GRM7: variants seen among roughly 807,000 people sequenced by gnomAD.
The protein encoded by GRM7 is glutamate metabotropic receptor 7.
A neutral mutation model predicts 84.5 loss-of-function variants in GRM7; 35 were observed. The ratio of observed to expected loss-of-function variants is 0.41; its 90% confidence interval spans 0.32 to 0.55. The LOEUF (loss-of-function observed/expected upper bound fraction) is 0.55, where lower values mean the gene tolerates loss of function less well. Among genes scored for constraint, GRM7 ranks in the 20% least tolerant of loss-of-function variants. The probability of loss-of-function intolerance (pLI) is 0.19; values close to 1 mark genes in which losing one functional copy is unlikely to be tolerated. For missense variants in GRM7, 1,003 were observed against 1,194.6 expected (o/e 0.84, Z 2.36); for synonymous variants, 487 against 455.1 (o/e 1.07, Z -0.89).
At chr3:7,337,501 C>T (rs954206142) in intron 4 of GRM7, among the ~76,000 whole-genome samples, 5 of 151,860 alleles carry the variant, frequency 3.3e-5, no homozygotes, top group Non-Finnish European at 5.9e-5. Flanking sequence ...AGAAAGTATT[C>T]GCAAACTACG....
At chr3:7,498,912 T>C (rs190368253) in intron 7 of GRM7, among the ~76,000 whole-genome samples, 20 of 152,336 alleles carry the variant, frequency 1.3e-4, no homozygotes, top group Admixed American at 1.2e-3. Flanking sequence ...GAGTCATCTG[T>C]GCAGAGTTGC....
intron 4 of GRM7, among the ~76,000 whole-genome samples, chr3:7,311,209 A>C (rs531897193): frequency 6.6e-6 from 1 of 152,348 alleles, no homozygotes; most frequent in East Asian, 1.9e-4. Context: ...GTCATTCTCC[A>C]GAAATCTAAT....
At chr3:6,961,555 C>T (rs1263067925) in intron 1 of GRM7, among the ~76,000 whole-genome samples, 2 of 152,178 alleles carry the variant, frequency 1.3e-5, no homozygotes, top group South Asian at 4.1e-4. Flanking sequence ...ACTCCACACC[C>T]TCCATCAATC....
chr3:7,448,930 G>A (rs1697645474), intron 5 of GRM7, among the ~76,000 whole-genome samples: 1 of 151,712 alleles, frequency 6.6e-6, no homozygotes, highest in Non-Finnish European at 1.5e-5. Flanking sequence ...ATTTTATAAT[G>A]GTCGAAATGC....
intron 8 of GRM7, among the ~76,000 whole-genome samples, chr3:7,678,073 C>G (rs894394528): frequency 1.3e-5 from 2 of 152,004 alleles, no homozygotes; most frequent in Non-Finnish European, 2.9e-5. Context: ...ACACTGGGGC[C>G]TAATAGAAGA....
At chr3:7,714,004 G>A (rs527385008) in intron 9 of GRM7, among the ~76,000 whole-genome samples, 1 of 152,104 alleles carries the variant, frequency 6.6e-6, no homozygotes, top group Non-Finnish European at 1.5e-5. Context: ...GCCTTGTGAT[G>A]CAAAATTGAA....
intron 5 of GRM7, among the ~76,000 whole-genome samples, chr3:7,434,383 T>G (rs1465615324): frequency 6.6e-6 from 1 of 152,148 alleles, no homozygotes; most frequent in African/African-American, 2.4e-5. Context: ...ATAACGTAAA[T>G]CAGTCTGGCA....
intron 1 of GRM7, among the ~76,000 whole-genome samples, chr3:6,870,063 ACT>A (rs1487467771): frequency 7.1e-6 from 1 of 140,092 alleles, no homozygotes; most frequent in Non-Finnish European, 1.5e-5. Context: ...TCCCTTCTCC[ACT>A]CTCTCCTCCC....
intron 4 of GRM7, among the ~76,000 whole-genome samples, chr3:7,365,800 C>A (rs3933925): frequency 1.3e-5 from 2 of 150,474 alleles, no homozygotes; most frequent in Non-Finnish European, 3.0e-5. Context: ...TTCACACTTG[C>A]GGTTTATAAT....
intron 1 of GRM7, among the ~76,000 whole-genome samples, chr3:7,116,147 C>A (rs998101296): frequency 1.3e-5 from 2 of 152,032 alleles, no homozygotes; most frequent in African/African-American, 2.4e-5. Context: ...TCAGACTGTA[C>A]CAACAGAGTC....
At chr3:7,275,772 G>C (rs1021609407) in intron 2 of GRM7, among the ~76,000 whole-genome samples, 5 of 152,082 alleles carry the variant, frequency 3.3e-5, no homozygotes, top group Non-Finnish European at 7.4e-5. Flanking sequence ...AGACATGAGG[G>C]GATTTTTCTC....
At chr3:7,414,634 G>C (rs963711592) in intron 4 of GRM7, among the ~76,000 whole-genome samples, 4 of 152,108 alleles carry the variant, frequency 2.6e-5, no homozygotes, top group Non-Finnish European at 4.4e-5. Context: ...AATTTGACTA[G>C]AAAGTCAATT....
intron 7 of GRM7, among the ~76,000 whole-genome samples, chr3:7,577,758 A>C (rs1330248641): frequency 6.6e-6 from 1 of 152,208 alleles, no homozygotes; most frequent in South Asian, 2.1e-4. Flanking sequence ...ATTCATAGGA[A>C]ATAGTCTAAT....
intron 7 of GRM7, among the ~76,000 whole-genome samples, chr3:7,544,734 T>C (rs1693055428): frequency 6.6e-6 from 1 of 152,250 alleles, no homozygotes; most frequent in Non-Finnish European, 1.5e-5. Flanking sequence ...CAAGTATTTC[T>C]TTACTTTTTT....
intron 4 of GRM7, among the ~76,000 whole-genome samples, chr3:7,359,494 C>G (rs1014424582): frequency 3.4e-5 from 5 of 146,708 alleles, no homozygotes; most frequent in African/African-American, 1.0e-4. Context: ...GCCAGAATGC[C>G]TGGGTAAATT....
chr3:7,002,871 ATG>A (rs937893720), intron 1 of GRM7, among the ~76,000 whole-genome samples: 1 of 152,182 alleles, frequency 6.6e-6, no homozygotes, highest in Admixed American at 6.6e-5. Flanking sequence ...GATAAAGAAA[ATG>A]TGGTATATTA....
At chr3:7,695,066 T>C (rs1000637809) in intron 9 of GRM7, among the ~76,000 whole-genome samples, 1 of 152,146 alleles carries the variant, frequency 6.6e-6, no homozygotes, top group Non-Finnish European at 1.5e-5. Context: ...ATTAAAATGA[T>C]TGATTTTTGA....
chr3:7,710,674 G>A (rs147766078), intron 9 of GRM7, among the ~76,000 whole-genome samples: 16 of 152,056 alleles, frequency 1.1e-4, no homozygotes, highest in African/African-American at 2.4e-4. Context: ...GTCCTTCCCC[G>A]GTAAACTTCA....
chr3:7,594,462 A>G (rs1216688455), intron 8 of GRM7, among the ~76,000 whole-genome samples: 1 of 152,174 alleles, frequency 6.6e-6, no homozygotes, highest in African/African-American at 2.4e-5. Flanking sequence ...AGCAAGACAT[A>G]ATATTTTTGG....
Sources: allele counts gnomAD v4.1 joint callset (sites outside exome capture counted in the v4.1 genomes callset), GRCh38; gene constraint gnomAD v4.1.1; transcripts MANE v1.5; gene names NCBI Gene and HGNC (gene_info 2026-07-23, HGNC 2026-07-21).